The following LIN54 variants were observed in gnomAD, a reference collection of about 807,000 sequenced individuals.
LIN54 encodes the protein lin-54 DREAM MuvB core complex component.
A neutral mutation model predicts 78.7 loss-of-function variants in LIN54; 9 were observed. The observed-to-expected ratio is 0.11, with a 90% confidence interval of 0.07 to 0.20. The LOEUF (loss-of-function observed/expected upper bound fraction) is 0.20. LIN54 is among the 10% of genes least tolerant of loss of function. LIN54 has a pLI of 1.00. For synonymous variants in LIN54, 269 were observed against 318.4 expected (o/e 0.84, Z 1.65); for missense variants, 573 against 889.9 (o/e 0.64, Z 4.53).
At chr4:83,000,824 A>ATTTTTTTTTTTTTTT (rs1553959263) in intron 1 of LIN54, among the ~76,000 whole-genome samples, 2 of 3,216 alleles carry the variant, frequency 6.2e-4, no homozygotes, top group East Asian at 7.5e-3. Context: ...AAAGCAATAA[A>ATTTTTTTTTTTTTTT]TTCTTTTTTT....
chr4:82,960,090 T>C (rs1243377508), intron 4 of LIN54, among the ~76,000 whole-genome samples: 3 of 152,184 alleles, frequency 2.0e-5, no homozygotes, highest in East Asian at 1.9e-4. Context: ...TATCAAATGA[T>C]AGGTGCCTTT....
chr4:82,947,220 TA>T (rs1444261484), intron 4 of LIN54, among the ~76,000 whole-genome samples: 3 of 13,790 alleles, frequency 2.2e-4, no homozygotes, highest in African/African-American at 6.7e-4. Context: ...TATATATATA[TA>T]TATATATATA....
chr4:82,999,458 A>G (rs564579502), intron 1 of LIN54, among the ~76,000 whole-genome samples: 2 of 152,188 alleles, frequency 1.3e-5, no homozygotes, highest in East Asian at 3.9e-4. Context: ...TTTTTTGTCT[A>G]ATATTGAAAA....
intron 4 of LIN54, among the ~76,000 whole-genome samples, chr4:82,961,955 CAAAAAAAA>C (rs11338764): frequency 1.6e-5 from 2 of 123,176 alleles, no homozygotes; most frequent in African/African-American, 5.8e-5. Flanking sequence ...GACTCTGTCT[CAAAAAAAA>C]AAAAAAAGAA....
chr4:83,008,524 C>T (rs1159208814), intron 1 of LIN54, among the ~76,000 whole-genome samples: 1 of 152,030 alleles, frequency 6.6e-6, no homozygotes, highest in African/African-American at 2.4e-5. Context: ...TGGTGGCGGG[C>T]GCCTGTAGTC....
At chr4:82,996,813 G>C (rs948886243) in intron 1 of LIN54, among the ~76,000 whole-genome samples, 1 of 151,916 alleles carries the variant, frequency 6.6e-6, no homozygotes, top group South Asian at 2.1e-4. Flanking sequence ...AATGGTTTAA[G>C]TCCGGTGAGA....
At position 82,936,086 on chromosome 4, in the gene LIN54, C is replaced by T; in HGVS notation, c.1740G>A (p.Lys580=). The change falls in exon 11 of 13, where the codon AAG becomes AAA. Residue 580 remains lysine (K), a synonymous_variant. Coordinates refer to ENST00000340417, the MANE Select transcript of LIN54 (RefSeq NM_194282.4). ...CCTCCTTTCCTTTCCCTATCTTAGG[C>T]TTAAAGGCTTCTGGATTTCTGTCAA... ...ACLDRNPEAF[K]PKIGKGKEGE... is the part of the protein sequence containing the mutation. The T allele has an allele frequency of 1.2e-6, 2 of 1,614,136 alleles. No homozygotes were observed. The highest frequency in any genetic ancestry group is 1.7e-6 in the Non-Finnish European group (2 of 1,179,978).
chr4:82,945,198 TC>T (rs1196109826), intron 5 of LIN54, among the ~76,000 whole-genome samples: 4 of 152,186 alleles, frequency 2.6e-5, no homozygotes, highest in Admixed American at 6.5e-5. Context: ...AACCAACTAG[TC>T]TTTAATTCTT....
chr4:82,959,131 T>A (rs1724582610), intron 4 of LIN54, among the ~76,000 whole-genome samples: 1 of 152,216 alleles, frequency 6.6e-6, no homozygotes, highest in African/African-American at 2.4e-5. Flanking sequence ...AACATTCTTA[T>A]GCTTGAAATT....
At chr4:83,011,303 C>G (rs1233623046), upstream of LIN54, among the ~76,000 whole-genome samples, 2 of 152,152 alleles carry the variant, frequency 1.3e-5, no homozygotes, top group African/African-American at 4.8e-5. Context: ...ACACCTTTGT[C>G]AATTACAGGC....
rs1425401118 is a variant in LIN54 at position 82,947,227 on chromosome 4, A to ATTTTTTTTTTTTTTTTT, written c.952-754_952-753insAAAAAAAAAAAAAAAAA. Among the ~76,000 whole-genome samples, 2 of 22,890 alleles carry ATTTTTTTTTTTTTTTTT rather than the reference A, an allele frequency of 8.7e-5. 1 individual carries two copies. Among genetic ancestry groups the ATTTTTTTTTTTTTTTTT allele is most frequent in the African/African-American group, 3.1e-4 (2 of 6,510 alleles). The allele number at this position is 22,890 out of a possible 152,430, so 15.0% of individuals were successfully genotyped here. A position where few individuals can be genotyped will look rare whatever the true frequency, so the allele number is the denominator to read the frequency against. Reference sequence around the variant, plus strand: ...AAAATTTATATATATATATATATATATATATATATTTTTTTTTTTTTTGAA... The same window carrying ATTTTTTTTTTTTTTTTT: ...AAAATTTATATATATATATATATATATTTTTTTTTTTTTTTTTTATATATATTTTTTTTTTTTTTGAA... On this transcript the variant is annotated intron_variant, in intron 4 of 12. Coordinates refer to ENST00000340417, the MANE Select transcript of LIN54 (RefSeq NM_194282.4).
At chr4:82,959,496 GA>G (rs1329508344) in intron 4 of LIN54, among the ~76,000 whole-genome samples, 1 of 150,334 alleles carries the variant, frequency 6.7e-6, no homozygotes, top group African/African-American at 2.4e-5. Flanking sequence ...CCCAATCTTG[GA>G]AAAAAACAAA....
intron 4 of LIN54, among the ~76,000 whole-genome samples, chr4:82,951,449 C>A (rs1723839520): frequency 6.6e-6 from 1 of 151,990 alleles, no homozygotes; most frequent in Non-Finnish European, 1.5e-5. Flanking sequence ...TGATATGAAG[C>A]AAAATTAGAC....
chr4:82,970,469 C>T lies in LIN54; in HGVS notation c.809G>A (p.Gly270Asp), dbSNP rs1725551609. Residue 270 changes from glycine (G) to aspartate (D), a missense_variant and splice_region_variant, in exon 4 of 13, where the codon GGT becomes GAT. Coordinates refer to ENST00000340417, the MANE Select transcript of LIN54 (RefSeq NM_194282.4). ...TTQVSPPVIA[G>D]RVLSQSTPGT... is the part of the protein sequence containing the mutation. ...GGGAGTAGACTGTGAAAGAACCCTA[C>T]CTGCAAATGAGAGGCAGCACATCAG... 1.2e-6 allele frequency: 2 copies of T among 1,600,730 alleles called. No homozygotes were observed. The highest frequency in any genetic ancestry group is 1.7e-6 in the Non-Finnish European group (2 of 1,176,194).
chr4:82,987,419 C>CA (rs1208007100), intron 1 of LIN54, among the ~76,000 whole-genome samples: 7 of 152,026 alleles, frequency 4.6e-5, no homozygotes, highest in Non-Finnish European at 1.0e-4. Flanking sequence ...AAACAAAAAA[C>CA]AAAAAACAAA....
At chr4:82,939,436 C>A in intron 7 of LIN54, 103 bp downstream of exon 7, 1 of 976,672 alleles carries the variant, frequency 1.0e-6, no homozygotes, top group Non-Finnish European at 1.6e-6. Flanking sequence ...AGTGCCACTT[C>A]AATACTGAGT....
At chr4:82,932,974 A>C (rs1349606727) in intron 11 of LIN54, among the ~76,000 whole-genome samples, 1 of 152,048 alleles carries the variant, frequency 6.6e-6, no homozygotes, top group Non-Finnish European at 1.5e-5. Context: ...TATATAAATA[A>C]ATAAAACTGT....
intron 11 of LIN54, among the ~76,000 whole-genome samples, chr4:82,931,946 A>T (rs1459516961): frequency 6.6e-6 from 1 of 152,050 alleles, no homozygotes; most frequent in Admixed American, 6.6e-5. Flanking sequence ...TCATTTCCCT[A>T]TTGATGGGTG....
chr4:83,006,111 A>G (rs1729337943), intron 1 of LIN54, among the ~76,000 whole-genome samples: 1 of 110,772 alleles, frequency 9.0e-6, no homozygotes, highest in Admixed American at 1.1e-4. Flanking sequence ...GATGGCAACA[A>G]TGGAAACTGG....
Sources: allele counts gnomAD v4.1 joint callset (sites outside exome capture counted in the v4.1 genomes callset), GRCh38; gene constraint gnomAD v4.1.1; transcripts MANE v1.5; gene names NCBI Gene and HGNC (gene_info 2026-07-23, HGNC 2026-07-21).